Variants in MRPL1 observed in about 807,000 individuals in gnomAD.
The protein encoded by MRPL1 is large ribosomal subunit protein uL1m.
A neutral mutation model predicts 38.0 loss-of-function variants in MRPL1; 28 were observed. The ratio of observed to expected loss-of-function variants is 0.74; its 90% CI spans 0.55 to 1.01. MRPL1 has a LOEUF of 1.01. Ranked by LOEUF, MRPL1 falls within the 50% of genes least tolerant of loss-of-function variation. MRPL1 has a pLI of 0.00. For missense variants in MRPL1, 358 were observed against 389.8 expected (o/e 0.92, Z 0.69); for synonymous variants, 123 against 126.7 (o/e 0.97, Z 0.20).
intron 6 of MRPL1, among the ~76,000 whole-genome samples, chr4:77,906,315 T>C (rs1736157584): frequency 6.6e-6 from 1 of 151,656 alleles, no homozygotes; most frequent in Non-Finnish European, 1.5e-5. Flanking sequence ...ATGTGAAGGT[T>C]ACTGAAGTAG....
intron 7 of MRPL1, among the ~76,000 whole-genome samples, chr4:77,914,727 G>GTT (rs1553906666): frequency 0.079 from 12,081 of 151,970 alleles, 844 homozygotes; most frequent in African/African-American, 0.19. Context: ...GTGTGTGTGT[G>GTT]TGTCTGTAGC....
At chr4:77,894,828 G>A (rs1735879473) in intron 6 of MRPL1, among the ~76,000 whole-genome samples, 1 of 152,074 alleles carries the variant, frequency 6.6e-6, no homozygotes, top group Admixed American at 6.5e-5. Context: ...GAGGAATCAG[G>A]GAAGGCATCA....
At chr4:77,891,349 G>GTTTTTTTTTTTTTTTT (rs797018478) in intron 5 of MRPL1, among the ~76,000 whole-genome samples, 1 of 125,140 alleles carries the variant, frequency 8.0e-6, no homozygotes, top group Non-Finnish European at 1.8e-5. Context: ...AGTTTTTTTT[G>GTTTTTTTTTTTTTTTT]TTTTTTTTTT....
chr4:77,883,211 T>C (rs765865786), intron 2 of MRPL1, 31 bp from the exon 3 acceptor site: 1 of 1,394,830 alleles, frequency 7.2e-7, no homozygotes, highest in East Asian at 2.4e-5. Flanking sequence ...AGGATATATA[T>C]TGATATAACT....
At chr4:77,890,657 T>G (rs1735786054) in intron 5 of MRPL1, among the ~76,000 whole-genome samples, 3 of 152,108 alleles carry the variant, frequency 2.0e-5, no homozygotes, top group South Asian at 4.1e-4. Context: ...GAGAAAGAAA[T>G]AAAGGATATT....
intron 4 of MRPL1, 36 bp downstream of exon 4, chr4:77,885,375 T>A (rs1306105554): frequency 3.5e-6 from 4 of 1,147,210 alleles, no homozygotes; most frequent in African/African-American, 1.6e-5. Flanking sequence ...TATCATTTAA[T>A]TTTTTTTTTT....
At chr4:77,871,915 C>A in intron 2 of MRPL1, 60 bp downstream of exon 2, 1 of 1,100,942 alleles carries the variant, frequency 9.1e-7, no homozygotes, top group Non-Finnish European at 1.4e-6. Context: ...TTTTAAAAAG[C>A]ATGTTTAGTT....
chr4:77,878,161 G>C (rs1735446537), intron 2 of MRPL1, among the ~76,000 whole-genome samples: 2 of 152,184 alleles, frequency 1.3e-5, no homozygotes, highest in Non-Finnish European at 2.9e-5. Context: ...ACTGTCCTTG[G>C]ATTTCAGGTT....
chr4:77,922,207 A>T (rs2110254679), intron 7 of MRPL1, among the ~76,000 whole-genome samples: 1 of 152,326 alleles, frequency 6.6e-6, no homozygotes, highest in Non-Finnish European at 1.5e-5. Context: ...AATTTTAGAT[A>T]GGATATCTCA....
chr4:77,866,088 G>A (rs1735136042), intron 1 of MRPL1, among the ~76,000 whole-genome samples: 3 of 152,184 alleles, frequency 2.0e-5, no homozygotes, highest in Admixed American at 1.3e-4. Flanking sequence ...GTCTTGCTCT[G>A]TTGTCCAGGC....
intron 3 of MRPL1, among the ~76,000 whole-genome samples, chr4:77,884,895 G>A (rs1735637966): frequency 6.6e-6 from 1 of 152,184 alleles, no homozygotes; most frequent in Admixed American, 6.5e-5. Context: ...CTAGTGCTGG[G>A]GAAGATGTTG....
chr4:77,914,289 T>G (rs1037965246), intron 7 of MRPL1, among the ~76,000 whole-genome samples: 4 of 152,098 alleles, frequency 2.6e-5, no homozygotes, highest in Admixed American at 6.6e-5. Flanking sequence ...AAAAAGTAGA[T>G]TAGTAGTTGC....
Position 77,890,392 on chromosome 4 carries a change from A to G in MRPL1, c.558+3101A>G, listed in dbSNP as rs1202118107. Among the ~76,000 whole-genome samples the G allele has an allele frequency of 6.6e-5, 10 of 152,330 alleles. 1 individual carries two copies. The East Asian group carries it at 1.9e-3, about 29-fold the overall frequency. On this transcript the variant is annotated intron_variant, in intron 5 of 8. Coordinates refer to ENST00000315567, the MANE Select transcript of MRPL1 (RefSeq NM_020236.4). ...CAGAACCAAAGACAAAAACCACATG[A>G]TTATCTCAATAGATGCAGAAAAGAC...
rs139511502 is a variant in MRPL1 at position 77,932,714 on chromosome 4, G to A, written c.778-17083G>A. ...AGGGCCCCCACTGATTCTACAGCAT[G>A]GTGAGTTATATAATTATTTTGTTAT... On this transcript the variant is annotated intron_variant, in intron 7 of 8. Coordinates refer to ENST00000315567, the MANE Select transcript of MRPL1 (RefSeq NM_020236.4). Among the ~76,000 whole-genome samples, 60 of 151,990 alleles carry A rather than the reference G, an allele frequency of 3.9e-4. 2 individuals are homozygous for A. In the East Asian group the frequency reaches 8.9e-3, roughly 23 times the overall value.
chr4:77,931,019 G>A lies in MRPL1; in HGVS notation c.778-18778G>A, dbSNP rs961847344. Reference sequence around the variant, plus strand: ...CATTTAAAAGAAATACCAAGAGCAAGATTCCTTCTTAAATTAACGGGTTTG... The same window carrying A: ...CATTTAAAAGAAATACCAAGAGCAAAATTCCTTCTTAAATTAACGGGTTTG... On this transcript the variant is annotated intron_variant, in intron 7 of 8. Coordinates refer to ENST00000315567, the MANE Select transcript of MRPL1 (RefSeq NM_020236.4). Among the ~76,000 whole-genome samples, 4 of 152,294 alleles carry A rather than the reference G, an allele frequency of 2.6e-5. No homozygotes were observed. The South Asian group carries it at 8.3e-4, about 32-fold the overall frequency.
chr4:77,949,697 A>T, intron 7 of MRPL1, 100 bp from the exon 8 acceptor site: 1 of 733,378 alleles, frequency 1.4e-6, no homozygotes, highest in Non-Finnish European at 2.2e-6. Context: ...GTCATTTACT[A>T]GATAATTTGC....
intron 8 of MRPL1, among the ~76,000 whole-genome samples, 194 bp from the exon 9 acceptor site, chr4:77,952,295 G>A (rs755331265): frequency 2.6e-5 from 4 of 152,160 alleles, no homozygotes; most frequent in Non-Finnish European, 5.9e-5. Flanking sequence ...ATATTTTTGT[G>A]ACTAGAAATA....
intron 6 of MRPL1, among the ~76,000 whole-genome samples, chr4:77,906,085 T>C (rs890310899): frequency 6.6e-6 from 1 of 152,160 alleles, no homozygotes; most frequent in Non-Finnish European, 1.5e-5. Flanking sequence ...ATGGATAGGA[T>C]AAGAGAAGTA....
chr4:77,923,911 G>T (rs1341836327), intron 7 of MRPL1, among the ~76,000 whole-genome samples: 1 of 151,894 alleles, frequency 6.6e-6, no homozygotes, highest in African/African-American at 2.4e-5. Flanking sequence ...GGAAGCAAGA[G>T]AATCGCTTGA....
Sources: allele counts gnomAD v4.1 joint callset (sites outside exome capture counted in the v4.1 genomes callset), GRCh38; gene constraint gnomAD v4.1.1; transcripts MANE v1.5; gene names NCBI Gene and HGNC (gene_info 2026-07-23, HGNC 2026-07-21).